The following FER variants were observed in gnomAD, a reference collection of about 807,000 sequenced individuals.
FER encodes tyrosine-protein kinase Fer.
FER carries 63 observed loss-of-function variants against 111.0 expected under a neutral mutation model. The observed-to-expected ratio is 0.57, with a 90% CI of 0.46 to 0.70. The LOEUF (loss-of-function observed/expected upper bound fraction) is 0.70. FER is among the 30% of genes least tolerant of loss of function. FER has a pLI of 0.00. For missense variants in FER, 914 were observed against 954.0 expected, an observed-to-expected ratio of 0.96 and a Z score of 0.55; for synonymous variants, 327 against 313.9, an observed-to-expected ratio of 1.04 and a Z score of -0.44.
At chr5:108,875,873 C>G (rs978123225) in intron 8 of FER, among the ~76,000 whole-genome samples, 1 of 152,206 alleles carries the variant, frequency 6.6e-6, no homozygotes, top group Middle Eastern at 3.4e-3. Flanking sequence ...CAAATGAGGT[C>G]TCTTTATTAT....
intron 3 of FER, among the ~76,000 whole-genome samples, chr5:108,825,306 C>T (rs192945525): frequency 2.1e-4 from 32 of 152,254 alleles, no homozygotes; most frequent in Non-Finnish European, 3.4e-4. Flanking sequence ...AGGTACGCCC[C>T]GGGGGGCCCA....
chr5:108,864,085 TG>T (rs766427435), intron 5 of FER, among the ~76,000 whole-genome samples: 15 of 152,228 alleles, frequency 9.9e-5, no homozygotes, highest in African/African-American at 1.7e-4. Flanking sequence ...ATAGATTATC[TG>T]GGTAACATTT....
intron 5 of FER, among the ~76,000 whole-genome samples, chr5:108,845,028 A>ATG (rs1761826593): frequency 1.8e-5 from 1 of 55,004 alleles, no homozygotes; most frequent in Admixed American, 2.3e-4. Context: ...ATATATATAT[A>ATG]TATATATATA....
At chr5:109,064,919 GA>G (rs1452054141) in intron 16 of FER, among the ~76,000 whole-genome samples, 2 of 152,174 alleles carry the variant, frequency 1.3e-5, no homozygotes, top group East Asian at 3.9e-4. Flanking sequence ...ACTATACATG[GA>G]AAAGTCTTAA....
At chr5:109,081,085 T>C (rs964296713) in intron 16 of FER, among the ~76,000 whole-genome samples, 1 of 152,132 alleles carries the variant, frequency 6.6e-6, no homozygotes, top group African/African-American at 2.4e-5. Flanking sequence ...GAATGGACTT[T>C]AGACAGCATT....
intron 16 of FER, among the ~76,000 whole-genome samples, chr5:109,082,022 A>G (rs564359090): frequency 6.7e-5 from 10 of 149,520 alleles, no homozygotes; most frequent in African/African-American, 2.2e-4. Context: ...TTATTTTACT[A>G]TATCTTATTA....
intron 16 of FER, among the ~76,000 whole-genome samples, chr5:109,057,143 A>T (rs1773759336): frequency 6.6e-6 from 1 of 152,210 alleles, no homozygotes; most frequent in African/African-American, 2.4e-5. Context: ...GGGACTCTTC[A>T]TCTTTTGTCA....
At chr5:109,094,277 A>G (rs1055607320) in intron 16 of FER, among the ~76,000 whole-genome samples, 5 of 152,108 alleles carry the variant, frequency 3.3e-5, no homozygotes, top group African/African-American at 9.7e-5. Flanking sequence ...CAAAACAATC[A>G]TAAGCATTAT....
At position 108,878,521 on chromosome 5, in the gene FER, A is replaced by G. The variant is rs142441897; in HGVS notation, c.924-4875A>G. Among the ~76,000 whole-genome samples the G allele has an allele frequency of 2.7e-3, 409 of 152,120 alleles. 1 individual carries two copies. Among genetic ancestry groups the G allele is most frequent in the African/African-American group, 9.4e-3 (392 of 41,512 alleles). On this transcript the variant is annotated intron_variant, in intron 8 of 19. Coordinates refer to ENST00000281092, the MANE Select transcript of FER (RefSeq NM_005246.4). The stretch of plus-strand genomic sequence containing the variant: ...TGTATTAAATCTTCTTAATGTGTAC[A>G]GTGTTTTACTACTTGTATGTAATGT...
intron 17 of FER, among the ~76,000 whole-genome samples, chr5:109,158,923 C>T (rs1196133045): frequency 6.6e-6 from 1 of 151,768 alleles, no homozygotes; most frequent in African/African-American, 2.4e-5. Context: ...TAATGAAAGT[C>T]ATTTAAAATA....
intron 9 of FER, among the ~76,000 whole-genome samples, chr5:108,889,322 C>G (rs1324660394): frequency 6.6e-6 from 1 of 151,694 alleles, no homozygotes; most frequent in African/African-American, 2.4e-5. Flanking sequence ...TGTCCATCAA[C>G]AGACAAAGGA....
In FER at chr5:109,187,620, GC is replaced by G. The variant is rs1239261138; in HGVS notation, c.*46del. 1 of 1,603,864 alleles carries G rather than the reference GC, an allele frequency of 6.2e-7. No individual in the cohort carries two copies. Among genetic ancestry groups the G allele is most frequent in the Non-Finnish European group, 8.5e-7 (1 of 1,172,554 alleles). On this transcript the variant is annotated 3_prime_UTR_variant, in exon 20 of 20. Coordinates refer to ENST00000281092, the MANE Select transcript of FER (RefSeq NM_005246.4). Reference sequence around the variant, plus strand: ...TCAGCCTTCAGGACTCTGTCCTCCAGCAGAGTAACATTATTGTTCTCATTAA... The same window carrying G: ...TCAGCCTTCAGGACTCTGTCCTCCAGAGAGTAACATTATTGTTCTCATTAA...
chr5:109,087,784 G>C (rs975160118), intron 16 of FER, among the ~76,000 whole-genome samples: 1 of 151,512 alleles, frequency 6.6e-6, no homozygotes, highest in Non-Finnish European at 1.5e-5. Flanking sequence ...CATGCAACAT[G>C]TTGTATGTAT....
chr5:109,061,942 G>A (rs1774465496), intron 16 of FER, among the ~76,000 whole-genome samples: 1 of 152,076 alleles, frequency 6.6e-6, no homozygotes, highest in African/African-American at 2.4e-5. Context: ...AAGATTATAA[G>A]CATTTGAGAA....
intron 13 of FER, among the ~76,000 whole-genome samples, chr5:108,998,072 C>T (rs1195871064): frequency 6.6e-6 from 1 of 150,760 alleles, no homozygotes; most frequent in Non-Finnish European, 1.5e-5. Context: ...TGCCAGGCTC[C>T]GTGGGTGTGG....
chr5:108,878,504 A>G (rs1765320674), intron 8 of FER, among the ~76,000 whole-genome samples: 1 of 152,030 alleles, frequency 6.6e-6, no homozygotes, highest in Non-Finnish European at 1.5e-5. Flanking sequence ...CATGTATTAA[A>G]TCTTCTTAAT....
intron 6 of FER, among the ~76,000 whole-genome samples, chr5:108,870,160 C>T (rs1764467464): frequency 6.6e-6 from 1 of 151,878 alleles, no homozygotes. Context: ...GTTATCTGTA[C>T]TTTGTGTAAT....
At chr5:108,823,858 G>A (rs1338470313) in intron 3 of FER, among the ~76,000 whole-genome samples, 1 of 152,092 alleles carries the variant, frequency 6.6e-6, no homozygotes, top group Non-Finnish European at 1.5e-5. Flanking sequence ...GCCAACAGCA[G>A]TGTCAGGGAA....
intron 17 of FER, among the ~76,000 whole-genome samples, chr5:109,167,974 C>T (rs1756728953): frequency 6.6e-6 from 1 of 152,114 alleles, no homozygotes; most frequent in Non-Finnish European, 1.5e-5. Flanking sequence ...AAAAGAGGCT[C>T]AGAGCAAGAG....
Sources: gnomAD v4.1 joint callset for allele counts (sites outside exome capture counted in the v4.1 genomes callset) on GRCh38, gnomAD v4.1.1 for gene constraint, MANE v1.5 for transcripts, NCBI Gene and HGNC (gene_info 2026-07-23, HGNC 2026-07-21) for gene names.